PTPRD: variants seen among roughly 807,000 people sequenced by gnomAD.
PTPRD encodes receptor-type tyrosine-protein phosphatase delta.
PTPRD carries 34 observed loss-of-function variants against 214.5 expected under a neutral mutation model. The ratio of observed to expected loss-of-function variants is 0.16; its 90% confidence interval spans 0.12 to 0.21. The LOEUF (loss-of-function observed/expected upper bound fraction) is 0.21. PTPRD is among the 10% of genes least tolerant of loss of function. PTPRD has a pLI of 1.00. For missense variants in PTPRD, 2,545 were observed against 2,398.7 expected, an observed-to-expected ratio of 1.06 and a Z score of -1.27; for synonymous variants, 1,128 against 845.7, an observed-to-expected ratio of 1.33 and a Z score of -5.79.
intron 4 of PTPRD, among the ~76,000 whole-genome samples, chr9:10,000,760 AC>A (rs1449482515): frequency 6.6e-6 from 1 of 152,234 alleles, no homozygotes; most frequent in African/African-American, 2.4e-5. Flanking sequence ...ACTAGGTCTA[AC>A]CAACATGGCC....
At chr9:10,396,497 C>T (rs1052028894) in intron 2 of PTPRD, among the ~76,000 whole-genome samples, 1 of 151,866 alleles carries the variant, frequency 6.6e-6, no homozygotes, top group African/African-American at 2.4e-5. Context: ...TTCTTCTCCC[C>T]CAGTTCTATT....
intron 3 of PTPRD, among the ~76,000 whole-genome samples, chr9:10,239,619 A>C (rs1288516917): frequency 6.6e-6 from 1 of 151,914 alleles, no homozygotes; most frequent in Non-Finnish European, 1.5e-5. Flanking sequence ...TAGCAGAATA[A>C]TAATAATGAA....
At chr9:8,722,501 T>TGG (rs2098511755) in intron 12 of PTPRD, among the ~76,000 whole-genome samples, 1 of 150,228 alleles carries the variant, frequency 6.7e-6, no homozygotes, top group Non-Finnish European at 1.5e-5. Flanking sequence ...ATAAAGGGTT[T>TGG]TTTTTTTTCT....
At chr9:9,334,123 A>G (rs1595935838) in intron 9 of PTPRD, among the ~76,000 whole-genome samples, 1 of 152,162 alleles carries the variant, frequency 6.6e-6, no homozygotes, top group South Asian at 2.1e-4. Context: ...TTTATCAGAA[A>G]TAAAAACATA....
intron 5 of PTPRD, among the ~76,000 whole-genome samples, chr9:9,792,467 T>C (rs1039397450): frequency 6.6e-6 from 1 of 152,222 alleles, no homozygotes; most frequent in African/African-American, 2.4e-5. Flanking sequence ...CCTAATGATG[T>C]TCAATTTTTG....
At chr9:9,539,251 T>TCCC (rs1387334643) in intron 8 of PTPRD, among the ~76,000 whole-genome samples, 1 of 151,808 alleles carries the variant, frequency 6.6e-6, no homozygotes, top group African/African-American at 2.4e-5. Context: ...CAGTGGCAGG[T>TCCC]ACCTAGGCCC....
intron 43 of PTPRD, 30 bp downstream of exon 43, chr9:8,338,892 G>C (rs1191465335): frequency 6.5e-7 from 1 of 1,535,692 alleles, no homozygotes; most frequent in Non-Finnish European, 8.9e-7. Context: ...TTCAGCTAAT[G>C]GTTAAGAGTT....
chr9:10,179,236 C>G (rs1240902801), intron 3 of PTPRD, among the ~76,000 whole-genome samples: 1 of 151,742 alleles, frequency 6.6e-6, no homozygotes, highest in African/African-American at 2.4e-5. Flanking sequence ...GCCAGGAATG[C>G]TTTTTTCAGC....
At chr9:8,948,555 A>T (rs2099084745) in intron 11 of PTPRD, among the ~76,000 whole-genome samples, 17 of 90,934 alleles carry the variant, frequency 1.9e-4, no homozygotes, top group East Asian at 3.1e-4. Flanking sequence ...ATATATATTT[A>T]TATATATTTA....
chr9:8,439,502 A>G (rs1403470545), intron 34 of PTPRD, among the ~76,000 whole-genome samples: 2 of 152,298 alleles, frequency 1.3e-5, no homozygotes, highest in South Asian at 2.1e-4. Context: ...TGAATTGTTT[A>G]TTTTTTGAAC....
Position 8,449,842 on chromosome 9 carries a change from A to AG in PTPRD, c.3876-6dup. On this transcript the variant is annotated splice_polypyrimidine_tract_variant and splice_region_variant and intron_variant, in intron 33 of 45. Transcript: ENST00000381196. ...GAGTCGGACTCTGCCCTCTTCCTATAGGGGGAAAATAGAAATTTAAGAAGA... is the reference window on the plus strand; with the variant it reads ...GAGTCGGACTCTGCCCTCTTCCTATAGGGGGGAAAATAGAAATTTAAGAAGA... 6.2e-7 allele frequency: 1 copy of AG among 1,612,402 alleles called. No individual in the cohort carries two copies. Among genetic ancestry groups the AG allele is most frequent in the Non-Finnish European group, 8.5e-7 (1 of 1,179,166 alleles).
At chr9:9,071,817 G>A (rs1453382837) in intron 10 of PTPRD, among the ~76,000 whole-genome samples, 8 of 152,156 alleles carry the variant, frequency 5.3e-5, no homozygotes, top group African/African-American at 1.9e-4. Flanking sequence ...GTTATTTTAA[G>A]CTGCTAATTT....
At chr9:9,149,958 A>G (rs1200312852) in intron 10 of PTPRD, among the ~76,000 whole-genome samples, 1 of 152,190 alleles carries the variant, frequency 6.6e-6, no homozygotes, top group Admixed American at 6.5e-5. Context: ...GAAACTAAGT[A>G]CAGGTAGTCC....
intron 3 of PTPRD, among the ~76,000 whole-genome samples, chr9:10,250,781 T>C (rs1446664969): frequency 6.6e-6 from 1 of 151,942 alleles, no homozygotes; most frequent in East Asian, 1.9e-4. Context: ...TATGTTTTAC[T>C]ATATATATAA....
chr9:9,359,967 T>A (rs1374793223), intron 9 of PTPRD, among the ~76,000 whole-genome samples: 3 of 151,266 alleles, frequency 2.0e-5, no homozygotes, highest in Non-Finnish European at 4.4e-5. Context: ...AAAACATTTT[T>A]ATATGTTTTT....
At chr9:9,105,762 T>C (rs10977498) in intron 10 of PTPRD, among the ~76,000 whole-genome samples, 21,206 of 152,198 alleles carry the variant, frequency 0.14, 1,744 homozygotes, top group East Asian at 0.22. Flanking sequence ...TTCAAATCCA[T>C]TCAATGAAAG....
At chr9:10,294,700 T>C (rs2059905137) in intron 3 of PTPRD, among the ~76,000 whole-genome samples, 1 of 151,990 alleles carries the variant, frequency 6.6e-6, no homozygotes, top group African/African-American at 2.4e-5. Context: ...GCTCAGAATT[T>C]CTAAGAGGTA....
intron 34 of PTPRD, among the ~76,000 whole-genome samples, chr9:8,445,945 A>C (rs748306087): frequency 2.6e-5 from 4 of 152,066 alleles, no homozygotes; most frequent in Non-Finnish European, 5.9e-5. Context: ...AGATACAGCA[A>C]CTCCTTAAGG....
At chr9:10,406,834 G>A (rs1223655269) in intron 2 of PTPRD, among the ~76,000 whole-genome samples, 2 of 151,568 alleles carry the variant, frequency 1.3e-5, no homozygotes, top group East Asian at 3.9e-4. Flanking sequence ...GATGTTCATA[G>A]AGTCCATTTC....
Sources: gnomAD v4.1 joint callset for allele counts (sites outside exome capture counted in the v4.1 genomes callset) on GRCh38, gnomAD v4.1.1 for gene constraint, MANE v1.5 for transcripts, NCBI Gene and HGNC (gene_info 2026-07-23, HGNC 2026-07-21) for gene names.